The following CMTM4 variants were observed in gnomAD, a reference collection of about 807,000 sequenced individuals.
The protein encoded by CMTM4 is CKLF like MARVEL transmembrane domain containing 4.
In CMTM4, 8 loss-of-function variants were observed where a neutral mutation model predicts 19.0. The ratio of observed to expected loss-of-function variants is 0.42; its 90% CI spans 0.25 to 0.76. The LOEUF (loss-of-function observed/expected upper bound fraction) is 0.76. Ranked by LOEUF, CMTM4 falls within the 30% of genes least tolerant of loss-of-function variation. The pLI, the probability that CMTM4 is intolerant of heterozygous loss-of-function variation, is 0.27. For synonymous variants in CMTM4, 106 were observed against 121.1 expected, an observed-to-expected ratio of 0.88 and a Z score of 0.82; for missense variants, 228 against 290.2, an observed-to-expected ratio of 0.79 and a Z score of 1.56.
intron 1 of CMTM4, among the ~76,000 whole-genome samples, chr16:66,647,427 G>T (rs2016225364): frequency 6.6e-6 from 1 of 150,920 alleles, no homozygotes; most frequent in South Asian, 2.1e-4. Context: ...ATTTAATCTT[G>T]TCAGTCATCT....
chr16:66,623,262 A>G lies in CMTM4; in HGVS notation c.462+142T>C, dbSNP rs548350447. 3.4e-6 allele frequency: 2 copies of G among 595,396 alleles called. 1 individual carries two copies. The highest frequency in any genetic ancestry group is 6.4e-5 in the Admixed American group (2 of 31,434). The allele number at this position is 595,396 out of a possible 1,614,324, so 36.9% of individuals were successfully genotyped here. A position where few individuals can be genotyped will look rare whatever the true frequency, so the allele number is the denominator to read the frequency against. ...CTTTGAGAACCACAGCACTGAAGGGACTGGGACCCCCACTGGCCCAGTAAC... is the reference window on the plus strand; with the variant it reads ...CTTTGAGAACCACAGCACTGAAGGGGCTGGGACCCCCACTGGCCCAGTAAC... On this transcript the variant is annotated intron_variant, in intron 3 of 3. Coordinates refer to ENST00000394106, the MANE Select transcript of CMTM4 (RefSeq NM_181521.3).
chr16:66,670,439 C>CAAAA (rs35296025), intron 1 of CMTM4, among the ~76,000 whole-genome samples: 1 of 91,386 alleles, frequency 1.1e-5, no homozygotes. Context: ...GACTCTGTCT[C>CAAAA]AAAAAAAAAA....
chr16:66,601,648 C>A, the CMTM4 span, among the ~76,000 whole-genome samples: 1 of 152,260 alleles, frequency 6.6e-6, no homozygotes, highest in Non-Finnish European at 1.5e-5. Flanking sequence ...CCCCCTTCCA[C>A]CCAGGAATCT....
chr16:66,684,267 G>A (rs1567432929), intron 1 of CMTM4, among the ~76,000 whole-genome samples: 3 of 152,110 alleles, frequency 2.0e-5, no homozygotes, highest in African/African-American at 7.2e-5. Flanking sequence ...CCACCTCCCG[G>A]GGTTCAAGCA....
intron 1 of CMTM4, among the ~76,000 whole-genome samples, chr16:66,688,572 G>A (rs999629848): frequency 4.6e-5 from 7 of 151,944 alleles, no homozygotes; most frequent in Non-Finnish European, 1.0e-4. Context: ...AAACAAGGGT[G>A]ACTTCATGTC....
the CMTM4 span, among the ~76,000 whole-genome samples, chr16:66,605,848 G>A: frequency 1.3e-5 from 2 of 152,176 alleles, no homozygotes; most frequent in African/African-American, 4.8e-5. This position sits in a 1 kb window ranked among gnomAD's most constrained non-coding sequence, Gnocchi z 4.6. Flanking sequence ...TCAGGGCAGA[G>A]GGCAGAAGGT....
In CMTM4 at chr16:66,696,311, G is replaced by C. The variant is rs759931112; in HGVS notation, c.186+29C>G. ...GGAGGCGTGCGGCTAGGCCGCCCTC[G>C]GGCACCTGGGGCCCCGCCCGGCACC... On this transcript the variant is annotated intron_variant, in intron 1 of 3. Coordinates refer to ENST00000394106, the MANE Select transcript of CMTM4 (RefSeq NM_181521.3). The surrounding 1 kb of genome is among the most constrained non-coding windows in gnomAD (Gnocchi z 4.3). 77 of 1,299,610 alleles carry C rather than the reference G, an allele frequency of 5.9e-5. 4 individuals are homozygous for C. In the Middle Eastern group the frequency reaches 1.5e-3, roughly 25 times the overall value. The allele number at this position is 1,299,610 out of a possible 1,614,324, so 80.5% of individuals were successfully genotyped here. A position where few individuals can be genotyped will look rare whatever the true frequency, so the allele number is the denominator to read the frequency against.
chr16:66,624,481 A>T (rs2015697397), intron 2 of CMTM4, among the ~76,000 whole-genome samples: 1 of 152,202 alleles, frequency 6.6e-6, no homozygotes, highest in African/African-American at 2.4e-5. Context: ...TGAAGATGTA[A>T]AGATGGCTGG....
At position 66,618,879 on chromosome 16, in the gene CMTM4, G is replaced by A. The variant is rs755959903; in HGVS notation, c.*3179C>T. On this transcript the variant is annotated 3_prime_UTR_variant, in exon 4 of 4. Coordinates refer to ENST00000394106, the MANE Select transcript of CMTM4 (RefSeq NM_181521.3). ...GACAGTAACAGGGCCCGAAGGGCTG[G>A]GGGTGCCGCTGGCTTCCCAGGGCCA... The A allele has an allele frequency of 5.1e-6, 5 of 985,442 alleles. No homozygotes were observed. The highest frequency in any genetic ancestry group is 6.0e-6 in the Non-Finnish European group (5 of 830,022). The allele number at this position is 985,442 out of a possible 1,614,324, so 61.0% of individuals were successfully genotyped here.
In CMTM4 at chr16:66,618,776, G is replaced by A; in HGVS notation, c.*3282C>T. Reference sequence around the variant, plus strand: ...ATGTTTTCAACTGAGTCACGAAGCTGTCCCAGAAGCACCCGACATAGGGTG... The same window carrying A: ...ATGTTTTCAACTGAGTCACGAAGCTATCCCAGAAGCACCCGACATAGGGTG... On this transcript the variant is annotated 3_prime_UTR_variant, in exon 4 of 4. Coordinates refer to ENST00000394106, the MANE Select transcript of CMTM4 (RefSeq NM_181521.3). 1.0e-6 allele frequency: 1 copy of A among 985,488 alleles called. No homozygotes were observed. Among genetic ancestry groups the A allele is most frequent in the Non-Finnish European group, 1.2e-6 (1 of 829,952 alleles). The allele number at this position is 985,488 out of a possible 1,614,324, so 61.0% of individuals were successfully genotyped here. A position where few individuals can be genotyped will look rare whatever the true frequency, so the allele number is the denominator to read the frequency against.
the CMTM4 span, among the ~76,000 whole-genome samples, chr16:66,600,618 C>A: frequency 6.6e-6 from 1 of 151,952 alleles, no homozygotes; most frequent in Non-Finnish European, 1.5e-5. Context: ...ACCCTTCCCC[C>A]CAAACACCTT....
chr16:66,672,045 G>A (rs1279714194), intron 1 of CMTM4, among the ~76,000 whole-genome samples: 4 of 151,520 alleles, frequency 2.6e-5, no homozygotes, highest in East Asian at 2.0e-4. Flanking sequence ...ACACACACAC[G>A]TATATATAAT....
intron 1 of CMTM4, among the ~76,000 whole-genome samples, chr16:66,673,427 C>T (rs1052032668): frequency 1.3e-4 from 19 of 150,764 alleles, no homozygotes; most frequent in African/African-American, 4.6e-4. Context: ...AGGCTGGTCT[C>T]GAACTCCTGG....
rs2015618368 is a variant in CMTM4 at position 66,620,866 on chromosome 16, T to C, written c.*1192A>G. Reference sequence around the variant, plus strand: ...AAACTACTGCATCATGGGGACTCACTGAACTCATTCACCACACACAATAAT... The same window carrying C: ...AAACTACTGCATCATGGGGACTCACCGAACTCATTCACCACACACAATAAT... On this transcript the variant is annotated 3_prime_UTR_variant, in exon 4 of 4. Transcript: ENST00000394106. 2.0e-6 allele frequency: 2 copies of C among 985,780 alleles called. No individual in the cohort carries two copies. The highest frequency in any genetic ancestry group is 2.4e-6 in the Non-Finnish European group (2 of 829,928). The allele number at this position is 985,780 out of a possible 1,614,324, so 61.1% of individuals were successfully genotyped here.
intron 1 of CMTM4, among the ~76,000 whole-genome samples, chr16:66,689,430 G>A (rs2017096665): frequency 6.6e-6 from 1 of 151,746 alleles, no homozygotes; most frequent in South Asian, 2.1e-4. Context: ...TTTTGTTTTT[G>A]AGAAACGGTC....
intron 1 of CMTM4, among the ~76,000 whole-genome samples, chr16:66,683,143 A>ATGTG (rs1450779772): frequency 7.6e-6 from 1 of 131,424 alleles, no homozygotes; most frequent in Non-Finnish European, 1.6e-5. Flanking sequence ...ATATATATAT[A>ATGTG]TATGTATATA....
chr16:66,604,903 C>T, the CMTM4 span: 6 of 1,460,166 alleles, frequency 4.1e-6, no homozygotes, highest in African/African-American at 7.4e-5. Context: ...CTGCTGCCGG[C>T]GCGGGCTTTC....
chr16:66,623,536 G>C, intron 2 of CMTM4, 34 bp from the exon 3 acceptor site: 2 of 1,478,248 alleles, frequency 1.4e-6, no homozygotes, highest in Non-Finnish European at 1.9e-6. Flanking sequence ...CAAGTGAAAA[G>C]AACCATTCCA....
At position 66,696,388 on chromosome 16, in the gene CMTM4, G is replaced by A. The variant is rs2017237006; in HGVS notation, c.138C>T (p.Asp46=). The change falls in exon 1 of 4, where the codon GAC becomes GAT. Residue 46 remains aspartate (D), a synonymous_variant. Transcript: ENST00000394106. This position sits in a 1 kb window ranked among gnomAD's most constrained non-coding sequence, Gnocchi z 4.3. ...CGAGCGCGCCGCGCAGGTAGTCGGG[G>A]TCGCAGCGCAGGCCGGCCAGCCCGC... ...QRRGLAGLRC[D]PDYLRGALGR... 7 of 1,425,304 alleles carry A rather than the reference G, an allele frequency of 4.9e-6. No individual in the cohort carries two copies. Among genetic ancestry groups the A allele is most frequent in the Admixed American group, 2.7e-5 (1 of 37,082 alleles). The allele number at this position is 1,425,304 out of a possible 1,614,324, so 88.3% of individuals were successfully genotyped here.
Sources: gnomAD v4.1 joint callset for allele counts (sites outside exome capture counted in the v4.1 genomes callset) on GRCh38, gnomAD v4.1.1 for gene constraint, Gnocchi (gnomAD v3.1) non-coding constraint, MANE v1.5 for transcripts, NCBI Gene and HGNC (gene_info 2026-07-23, HGNC 2026-07-21) for gene names.